TTC28: variants seen among roughly 807,000 people sequenced by gnomAD.
TTC28 encodes the protein tetratricopeptide repeat protein 28.
In TTC28, 61 loss-of-function variants were observed where a neutral mutation model predicts 198.0. The ratio of observed to expected loss-of-function variants is 0.31; its 90% CI spans 0.25 to 0.38. The LOEUF is 0.38. Ranked by LOEUF, TTC28 falls within the 10% of genes least tolerant of loss-of-function variation. The pLI, the probability that TTC28 is intolerant of heterozygous loss-of-function variation, is 1.00. For synonymous variants in TTC28, 1,171 were observed against 1,297.8 expected, an observed-to-expected ratio of 0.90 and a Z score of 2.10; for missense variants, 2,678 against 3,164.0, an observed-to-expected ratio of 0.85 and a Z score of 3.69.
At chr22:28,592,795 C>A in intron 2 of TTC28, among the ~76,000 whole-genome samples, 1 of 152,124 alleles carries the variant, frequency 6.6e-6, no homozygotes, top group East Asian at 1.9e-4. Flanking sequence ...TTACCAATTA[C>A]CCTTTATCAA....
chr22:28,291,290 T>G (rs1438725624), intron 5 of TTC28, among the ~76,000 whole-genome samples: 1 of 152,130 alleles, frequency 6.6e-6, no homozygotes, highest in Non-Finnish European at 1.5e-5. Context: ...TGTGTGTTAT[T>G]TGAACACAAA....
chr22:28,074,538 T>A (rs1429526519), intron 12 of TTC28, among the ~76,000 whole-genome samples: 3 of 152,214 alleles, frequency 2.0e-5, no homozygotes, highest in Non-Finnish European at 4.4e-5. Context: ...TGTTCAACAG[T>A]GCCTCTGCCA....
intron 2 of TTC28, among the ~76,000 whole-genome samples, chr22:28,600,710 T>A (rs2050626370): frequency 6.6e-6 from 1 of 152,188 alleles, no homozygotes; most frequent in Admixed American, 6.5e-5. Context: ...TAATGTAGAA[T>A]AATCTTAACT....
At chr22:28,662,025 C>A (rs2051757425) in intron 1 of TTC28, among the ~76,000 whole-genome samples, 1 of 152,106 alleles carries the variant, frequency 6.6e-6, no homozygotes, top group East Asian at 1.9e-4. Flanking sequence ...CAGAAAGGAA[C>A]AACCATGCCT....
At chr22:28,194,686 G>C (rs1018201922) in intron 5 of TTC28, among the ~76,000 whole-genome samples, 2 of 149,712 alleles carry the variant, frequency 1.3e-5, no homozygotes, top group African/African-American at 5.0e-5. Context: ...AAATCTAGAA[G>C]AAATGGATAA....
intron 9 of TTC28, among the ~76,000 whole-genome samples, chr22:28,099,770 G>A (rs1485124569): frequency 1.3e-5 from 2 of 152,174 alleles, no homozygotes; most frequent in Non-Finnish European, 2.9e-5. Flanking sequence ...CACCACCCTC[G>A]TGCCTCATGG....
At chr22:28,316,106 C>T (rs976280833) in intron 2 of TTC28, among the ~76,000 whole-genome samples, 31 of 152,176 alleles carry the variant, frequency 2.0e-4, no homozygotes, top group African/African-American at 7.5e-4. Flanking sequence ...ATTCCGCTTA[C>T]TGCACATGTT....
rs1282320862 is a variant in TTC28, at chr22:28,194,096, T to A, written c.934-30497A>T. Among the ~76,000 whole-genome samples, 18 of 152,130 alleles carry A rather than the reference T, an allele frequency of 1.2e-4. 1 individual carries two copies. On this transcript the variant is annotated intron_variant, in intron 5 of 22. Coordinates refer to ENST00000397906, the MANE Select transcript of TTC28 (RefSeq NM_001145418.2). The stretch of plus-strand genomic sequence containing the variant: ...ATTATAACAAACTCTCAGACCACAG[T>A]GCAATCAAATTAGAACTCAGGATTA...
At chr22:27,998,519 C>T (rs940516781) in intron 16 of TTC28, 21 bp downstream of exon 16, 38 of 1,538,164 alleles carry the variant, frequency 2.5e-5, no homozygotes, top group Middle Eastern at 1.7e-4. Context: ...GACAGGCACC[C>T]GCAGCCAGCC....
At chr22:28,028,489 C>G (rs534969030) in intron 13 of TTC28, among the ~76,000 whole-genome samples, 2 of 152,318 alleles carry the variant, frequency 1.3e-5, no homozygotes, top group East Asian at 3.9e-4. Flanking sequence ...CTGGCTTGAC[C>G]CTTTTCTTCC....
At chr22:28,408,172 T>C (rs2047028641) in intron 2 of TTC28, among the ~76,000 whole-genome samples, 1 of 151,874 alleles carries the variant, frequency 6.6e-6, no homozygotes, top group Non-Finnish European at 1.5e-5. Flanking sequence ...AAAAAAACAA[T>C]AAATAACGTT....
At chr22:28,403,723 T>C (rs1455401547) in intron 2 of TTC28, among the ~76,000 whole-genome samples, 4 of 152,216 alleles carry the variant, frequency 2.6e-5, no homozygotes, top group African/African-American at 4.8e-5. Context: ...CCATTTTGTC[T>C]GCTTCACGTA....
chr22:28,275,394 G>A (rs894310546), intron 5 of TTC28, among the ~76,000 whole-genome samples: 2 of 152,110 alleles, frequency 1.3e-5, no homozygotes, highest in Admixed American at 6.5e-5. Flanking sequence ...TAATAATTTG[G>A]TAGTTGTTTT....
At chr22:28,145,381 C>T (rs1447077928) in intron 6 of TTC28, among the ~76,000 whole-genome samples, 1 of 152,098 alleles carries the variant, frequency 6.6e-6, no homozygotes, top group African/African-American at 2.4e-5. Context: ...CTAGGTCAGC[C>T]GTCTTGGCAC....
At chr22:28,395,507 C>T (rs1201064665) in intron 2 of TTC28, among the ~76,000 whole-genome samples, 1 of 151,878 alleles carries the variant, frequency 6.6e-6, no homozygotes, top group East Asian at 1.9e-4. Flanking sequence ...TGGTGGGCAC[C>T]CGTAGTCCCA....
At chr22:28,613,786 A>G (rs541315276) in intron 2 of TTC28, among the ~76,000 whole-genome samples, 2 of 152,196 alleles carry the variant, frequency 1.3e-5, no homozygotes, top group African/African-American at 4.8e-5. Context: ...GTATTGATGG[A>G]ACATATCTCA....
chr22:28,263,184 T>C (rs896439485), intron 5 of TTC28, among the ~76,000 whole-genome samples: 4 of 152,186 alleles, frequency 2.6e-5, no homozygotes, highest in African/African-American at 9.6e-5. Flanking sequence ...ATAATAATAA[T>C]GACTAGCATC....
intron 12 of TTC28, among the ~76,000 whole-genome samples, chr22:28,079,921 G>T (rs979564838): frequency 2.6e-5 from 4 of 152,094 alleles, no homozygotes; most frequent in African/African-American, 7.2e-5. Context: ...TAGAGACAGG[G>T]TCTCACTGTG....
intron 6 of TTC28, among the ~76,000 whole-genome samples, chr22:28,113,204 T>C (rs1029509166): frequency 6.6e-6 from 1 of 152,104 alleles, no homozygotes; most frequent in African/African-American, 2.4e-5. Flanking sequence ...TTTGTGGAGG[T>C]AGGGGCCTCG....
Sources: allele counts gnomAD v4.1 joint callset (sites outside exome capture counted in the v4.1 genomes callset), GRCh38; gene constraint gnomAD v4.1.1; transcripts MANE v1.5; gene names NCBI Gene and HGNC (gene_info 2026-07-23, HGNC 2026-07-21).